Variants in TCF7L2 observed in about 807,000 individuals in gnomAD.
The protein encoded by TCF7L2 is transcription factor 7-like 2.
In TCF7L2, 23 loss-of-function variants were observed where a neutral mutation model predicts 77.9. That is an observed-to-expected ratio of 0.30 (90% CI 0.21 to 0.42). TCF7L2 has a LOEUF of 0.42. Ranked by LOEUF, TCF7L2 falls within the 10% of genes least tolerant of loss-of-function variation. The pLI is 1.00. For synonymous variants in TCF7L2, 413 were observed against 340.2 expected (o/e 1.21, Z -2.36); for missense variants, 654 against 793.1 (o/e 0.82, Z 2.11).
chr10:113,077,302 G>T (rs1203856407), intron 5 of TCF7L2, among the ~76,000 whole-genome samples: 1 of 152,174 alleles, frequency 6.6e-6, no homozygotes, highest in Non-Finnish European at 1.5e-5. Context: ...TAAGATAGTG[G>T]TAATTATGCC....
chr10:113,066,234 G>T (rs1459987907), intron 5 of TCF7L2, among the ~76,000 whole-genome samples: 3 of 152,040 alleles, frequency 2.0e-5, no homozygotes, highest in Admixed American at 2.0e-4. Context: ...GCTTGGTGGT[G>T]CATGCCTGTA....
intron 4 of TCF7L2, among the ~76,000 whole-genome samples, chr10:112,965,629 ATGTGTGTGTGTG>A (rs59587175): frequency 0.017 from 2,300 of 137,236 alleles, 16 homozygotes; most frequent in Middle Eastern, 0.033. Flanking sequence ...GTGTGTGTAT[ATGTGTGTGTGTG>A]TGTGTGTGTG....
chr10:113,061,010 T>C (rs963825100), intron 5 of TCF7L2, among the ~76,000 whole-genome samples: 3 of 152,194 alleles, frequency 2.0e-5, no homozygotes, highest in African/African-American at 4.8e-5. Context: ...TCCTTGGTTA[T>C]CTCACAGATA....
At chr10:112,980,564 C>T (rs74159627) in intron 4 of TCF7L2, among the ~76,000 whole-genome samples, 54 of 152,294 alleles carry the variant, frequency 3.5e-4, no homozygotes, top group African/African-American at 1.2e-3. Context: ...CAAACCTCCC[C>T]TGCTTCCCTC....
intron 3 of TCF7L2, among the ~76,000 whole-genome samples, chr10:112,953,250 T>TC (rs1017912673): frequency 2.6e-5 from 4 of 151,410 alleles, no homozygotes; most frequent in South Asian, 4.2e-4. Flanking sequence ...AAATAATTAT[T>TC]CCCCCCCTGC....
chr10:113,044,335 C>G (rs562769229), intron 5 of TCF7L2, among the ~76,000 whole-genome samples: 1 of 152,320 alleles, frequency 6.6e-6, no homozygotes, highest in South Asian at 2.1e-4. Flanking sequence ...GCATGCTGAA[C>G]CTTTGCTTTT....
chr10:112,963,756 C>A (rs2060098895), intron 3 of TCF7L2, among the ~76,000 whole-genome samples: 1 of 152,182 alleles, frequency 6.6e-6, no homozygotes, highest in Non-Finnish European at 1.5e-5. Context: ...ATACCTGCTT[C>A]ATTGATGGGT....
intron 4 of TCF7L2, among the ~76,000 whole-genome samples, chr10:113,026,878 C>T (rs889181194): frequency 7.9e-5 from 12 of 152,266 alleles, no homozygotes; most frequent in African/African-American, 2.4e-4. Flanking sequence ...TACCCAAACT[C>T]GATGCTGTTG....
At chr10:113,083,414 A>G (rs566935119) in intron 5 of TCF7L2, among the ~76,000 whole-genome samples, 71 of 152,272 alleles carry the variant, frequency 4.7e-4, no homozygotes, top group African/African-American at 1.7e-3. Flanking sequence ...GTGAGTGATG[A>G]TATCCCGGTC....
chr10:113,045,725 T>G (rs868150554), intron 5 of TCF7L2, among the ~76,000 whole-genome samples: 1 of 152,204 alleles, frequency 6.6e-6, no homozygotes, highest in Non-Finnish European at 1.5e-5. Flanking sequence ...CTAAAATCTT[T>G]TACTTCTGGA....
chr10:113,066,889 A>C (rs1292667818), intron 5 of TCF7L2, among the ~76,000 whole-genome samples: 4 of 152,228 alleles, frequency 2.6e-5, no homozygotes, highest in African/African-American at 9.6e-5. Flanking sequence ...ACATGTCCAC[A>C]TTCCAGTCTC....
chr10:112,951,035 G>T (rs2030843466), intron 1 of TCF7L2, 90 bp downstream of exon 1: 2 of 1,481,098 alleles, frequency 1.4e-6, no homozygotes, highest in Non-Finnish European at 1.8e-6. Flanking sequence ...GGGGCTGGGG[G>T]CGGCGGCGGG....
In TCF7L2 at chr10:113,102,111, C is replaced by CA. The variant is rs139047649; in HGVS notation, c.553-39042dup. On this transcript the variant is annotated intron_variant, in intron 5 of 13. Coordinates refer to ENST00000627217, the MANE Select transcript of TCF7L2 (RefSeq NM_001146274.2). Reference sequence around the variant, plus strand: ...CCTGGGTGACAGAGCGTGACTCCATCAAAAAAAAAAAAAAAAAAAAAAAAA... The same window carrying CA: ...CCTGGGTGACAGAGCGTGACTCCATCAAAAAAAAAAAAAAAAAAAAAAAAAA... Among the ~76,000 whole-genome samples, 159 of 71,730 alleles carry CA rather than the reference C, an allele frequency of 2.2e-3. 6 individuals carry two copies. The highest frequency in any genetic ancestry group is 7.6e-3 in the African/African-American group (129 of 16,864). The allele number at this position is 71,730 out of a possible 152,430, so 47.1% of individuals were successfully genotyped here. A position where few individuals can be genotyped will look rare whatever the true frequency, so the allele number is the denominator to read the frequency against.
intron 5 of TCF7L2, among the ~76,000 whole-genome samples, chr10:113,049,195 G>C (rs142074200): frequency 6.6e-6 from 1 of 151,328 alleles, no homozygotes; most frequent in African/African-American, 2.4e-5. Context: ...CTGCCCCCCC[G>C]CCCCCTGACT....
chr10:113,061,021 C>T (rs973830774), intron 5 of TCF7L2, among the ~76,000 whole-genome samples: 1 of 152,182 alleles, frequency 6.6e-6, no homozygotes, highest in Non-Finnish European at 1.5e-5. Context: ...CTCACAGATA[C>T]AAGAGGTCTT....
intron 4 of TCF7L2, among the ~76,000 whole-genome samples, chr10:113,035,477 G>A (rs1049710990): frequency 6.6e-6 from 1 of 152,174 alleles, no homozygotes; most frequent in African/African-American, 2.4e-5. Context: ...TTTTGAGCCA[G>A]GTTCTCATTT....
intron 5 of TCF7L2, among the ~76,000 whole-genome samples, chr10:113,074,189 A>T (rs2058443687): frequency 6.6e-6 from 1 of 152,130 alleles, no homozygotes; most frequent in South Asian, 2.1e-4. Flanking sequence ...TTTATGCAGA[A>T]CATTCTGGAT....
At chr10:113,120,310 G>A (rs2064568877) in intron 5 of TCF7L2, among the ~76,000 whole-genome samples, 2 of 152,176 alleles carry the variant, frequency 1.3e-5, no homozygotes, top group South Asian at 2.1e-4. Flanking sequence ...TCACACAGAC[G>A]GAGAAGATGG....
At chr10:113,088,941 GA>G (rs1184478864) in intron 5 of TCF7L2, among the ~76,000 whole-genome samples, 3,559 of 128,466 alleles carry the variant, frequency 0.028, 113 homozygotes, top group African/African-American at 0.082. Context: ...CCATCTCTTA[GA>G]AAAAAAAAAA....
Sources: allele counts gnomAD v4.1 joint callset (sites outside exome capture counted in the v4.1 genomes callset), GRCh38; gene constraint gnomAD v4.1.1; transcripts MANE v1.5; gene names NCBI Gene and HGNC (gene_info 2026-07-23, HGNC 2026-07-21).